The following AKAP6 variants were observed in gnomAD, a reference collection of about 807,000 sequenced individuals.
The protein encoded by AKAP6 is A-kinase anchoring protein 6.
AKAP6 carries 58 observed loss-of-function variants against 188.5 expected under a neutral mutation model. That is an observed-to-expected ratio of 0.31 (90% CI 0.25 to 0.38). The LOEUF is 0.38. Among genes scored for constraint, AKAP6 ranks in the 10% least tolerant of loss-of-function variants. The pLI, the probability that AKAP6 is intolerant of heterozygous loss-of-function variation, is 1.00. For missense variants in AKAP6, 2,710 were observed against 2,740.0 expected (o/e 0.99, Z 0.24); for synonymous variants, 989 against 998.6 (o/e 0.99, Z 0.18).
At chr14:32,587,929 C>T (rs1413977483) in intron 5 of AKAP6, among the ~76,000 whole-genome samples, 2 of 152,062 alleles carry the variant, frequency 1.3e-5, no homozygotes, top group African/African-American at 2.4e-5. Context: ...GGGCAAATGT[C>T]GTACAAGTAC....
At chr14:32,638,391 G>A (rs1887608364) in intron 7 of AKAP6, among the ~76,000 whole-genome samples, 1 of 152,116 alleles carries the variant, frequency 6.6e-6, no homozygotes, top group South Asian at 2.1e-4. Context: ...TTGTATGCCA[G>A]TGTTTTGTTT....
At chr14:32,534,579 G>T (rs1015563609) in intron 2 of AKAP6, among the ~76,000 whole-genome samples, 1 of 152,162 alleles carries the variant, frequency 6.6e-6, no homozygotes, top group Non-Finnish European at 1.5e-5. Context: ...AAACAAAATT[G>T]TATTTTGTCT....
intron 2 of AKAP6, chr14:32,438,582 T>G (rs1890465265): frequency 6.6e-6 from 1 of 152,148 alleles, no homozygotes; most frequent in Non-Finnish European, 1.5e-5. Context: ...AAGCAGAGAT[T>G]GAAAATTGGA....
chr14:32,654,941 C>A (rs1888394902), intron 7 of AKAP6, among the ~76,000 whole-genome samples: 1 of 151,968 alleles, frequency 6.6e-6, no homozygotes, highest in African/African-American at 2.4e-5. Flanking sequence ...TCTATAAAGT[C>A]ACAAAATAAT....
intron 1 of AKAP6, among the ~76,000 whole-genome samples, chr14:32,364,484 G>A (rs1887764498): frequency 1.3e-5 from 2 of 152,082 alleles, no homozygotes; most frequent in African/African-American, 4.8e-5. Context: ...TTGAAAGGGG[G>A]GTAGTGGGAT....
intron 1 of AKAP6, among the ~76,000 whole-genome samples, chr14:32,339,469 C>G (rs910428923): frequency 6.6e-6 from 1 of 152,206 alleles, no homozygotes; most frequent in East Asian, 1.9e-4. Context: ...ATGTCCTCCT[C>G]TCTAAAGGGT....
rs71115086 is a variant in AKAP6 at position 32,615,167 on chromosome 14, C to CAA, written c.2730+14393_2730+14394dup. Among the ~76,000 whole-genome samples the CAA allele has an allele frequency of 4.4e-3, 237 of 53,500 alleles. 58 individuals carry two copies. In the East Asian group the frequency reaches 0.067, roughly 15 times the overall value. The allele number at this position is 53,500 out of a possible 152,430, so 35.1% of individuals were successfully genotyped here. A position where few individuals can be genotyped will look rare whatever the true frequency, so the allele number is the denominator to read the frequency against. On this transcript the variant is annotated intron_variant, in intron 7 of 13. Transcript: ENST00000280979. Reference sequence around the variant, plus strand: ...CTGGCAACAGAGCAAGACTCTGTCTCAAAAAAAAAAAAAAAAAAAGATAAA... The same window carrying CAA: ...CTGGCAACAGAGCAAGACTCTGTCTCAAAAAAAAAAAAAAAAAAAAAGATAAA...
intron 2 of AKAP6, 56 bp from the exon 3 acceptor site, chr14:32,535,498 C>T: frequency 6.4e-7 from 1 of 1,562,604 alleles, no homozygotes; most frequent in Non-Finnish European, 8.7e-7. Flanking sequence ...CTACCCTCAC[C>T]TCCCTCCAGG....
At chr14:32,387,169 T>G (rs1888560194) in intron 1 of AKAP6, among the ~76,000 whole-genome samples, 1 of 152,160 alleles carries the variant, frequency 6.6e-6, no homozygotes, top group South Asian at 2.1e-4. Context: ...TGAATTATTT[T>G]ATCAGTTCTA....
Position 32,461,107 on chromosome 14 carries a change from C to A in AKAP6, c.324+27290C>A, listed in dbSNP as rs1206187933. ...CCTCCATGTCCCTGGGACAGAGCAC[C>A]TGGGGGAAGGGGCAGCTGTGGTTGC... is the stretch of plus-strand genomic sequence containing the variant. On this transcript the variant is annotated intron_variant, in intron 2 of 13. Coordinates refer to ENST00000280979, the MANE Select transcript of AKAP6 (RefSeq NM_004274.5). Among the ~76,000 whole-genome samples, 3 of 152,230 alleles carry A rather than the reference C, an allele frequency of 2.0e-5. No homozygotes were observed. The East Asian group carries it at 5.8e-4, about 29-fold the overall frequency.
At chr14:32,794,332 G>A (rs1458257609) in intron 12 of AKAP6, among the ~76,000 whole-genome samples, 1 of 152,120 alleles carries the variant, frequency 6.6e-6, no homozygotes, top group African/African-American at 2.4e-5. Flanking sequence ...AGGCTGAGGT[G>A]GAAGGATCAC....
Position 32,468,415 on chromosome 14 carries a change from T to C in AKAP6, c.324+34598T>C, listed in dbSNP as rs534409612. 1.1e-3 allele frequency among the ~76,000 whole-genome samples: 164 copies of C among 152,282 alleles called. 4 individuals are homozygous for C. The South Asian group carries it at 0.032, about 30-fold the overall frequency. Reference sequence around the variant, plus strand: ...TCCTGTGAGACAATGCCTTGCTCTTTCATGTAGTAAAGGTTAGCCCACCTC... The same window carrying C: ...TCCTGTGAGACAATGCCTTGCTCTTCCATGTAGTAAAGGTTAGCCCACCTC... On this transcript the variant is annotated intron_variant, in intron 2 of 13. Transcript: ENST00000280979.
chr14:32,415,479 T>C (rs1006735140), intron 1 of AKAP6, among the ~76,000 whole-genome samples: 2 of 152,198 alleles, frequency 1.3e-5, no homozygotes, highest in African/African-American at 4.8e-5. Context: ...ACATTTCTTT[T>C]CTATTTCTCA....
At chr14:32,369,243 AG>A (rs1887934280) in intron 1 of AKAP6, among the ~76,000 whole-genome samples, 1 of 152,180 alleles carries the variant, frequency 6.6e-6, no homozygotes, top group African/African-American at 2.4e-5. Context: ...AAGCTCTTAA[AG>A]GAAAGATCTG....
At chr14:32,374,413 G>A (rs1017635837) in intron 1 of AKAP6, among the ~76,000 whole-genome samples, 2 of 152,148 alleles carry the variant, frequency 1.3e-5, no homozygotes, top group Non-Finnish European at 2.9e-5. Flanking sequence ...ATAATGAAAG[G>A]CTCTTCCAGG....
At chr14:32,494,391 C>A (rs1419404592) in intron 2 of AKAP6, 1 of 152,142 alleles carries the variant, frequency 6.6e-6, no homozygotes, top group Non-Finnish European at 1.5e-5. Flanking sequence ...AGGCACTATG[C>A]GTTTTCCTTC....
intron 2 of AKAP6, among the ~76,000 whole-genome samples, chr14:32,492,355 T>TATATATATATAGAGAGAGAG: frequency 0.019 from 1,589 of 82,482 alleles, 38 homozygotes; most frequent in East Asian, 0.049. Flanking sequence ...TATATATATA[T>TATATATATATAGAGAGAGAG]AGAGAGAGAG....
At chr14:32,678,757 T>A (rs1286739183) in intron 8 of AKAP6, among the ~76,000 whole-genome samples, 1 of 152,256 alleles carries the variant, frequency 6.6e-6, no homozygotes, top group Non-Finnish European at 1.5e-5. Context: ...GTCTTCTTTA[T>A]AAATTTTTTC....
chr14:32,630,719 AC>A (rs2139452148), intron 7 of AKAP6, among the ~76,000 whole-genome samples: 2 of 152,162 alleles, frequency 1.3e-5, no homozygotes, highest in South Asian at 4.1e-4. Context: ...TAACAATGTA[AC>A]CCTTTCCTGA....
Sources: allele counts gnomAD v4.1 joint callset (sites outside exome capture counted in the v4.1 genomes callset), GRCh38; gene constraint gnomAD v4.1.1; transcripts MANE v1.5; gene names NCBI Gene and HGNC (gene_info 2026-07-23, HGNC 2026-07-21).